TXNL4A: variants seen among roughly 807,000 people sequenced by gnomAD.
The protein encoded by TXNL4A is thioredoxin-like protein 4A.
Under a neutral mutation model 14.6 loss-of-function variants are expected in TXNL4A, and 17 were observed. That is an observed-to-expected ratio of 1.16 (90% confidence interval 0.80 to 1.74). The LOEUF (loss-of-function observed/expected upper bound fraction) is 1.74. Among genes scored for constraint, TXNL4A ranks in the 40% most tolerant of loss-of-function variants. TXNL4A has a pLI of 0.00. For missense variants in TXNL4A, 74 were observed against 195.2 expected (o/e 0.38, Z 3.70); for synonymous variants, 83 against 70.6 (o/e 1.18, Z -0.88).
At chr18:80,004,748 C>G (rs1453391755) in intron 1 of TXNL4A, among the ~76,000 whole-genome samples, 1 of 152,156 alleles carries the variant, frequency 6.6e-6, no homozygotes, top group African/African-American at 2.4e-5. Flanking sequence ...AGAAAACAAG[C>G]CTTGAGCAGA....
chr18:79,982,834 CTG>C lies in TXNL4A; in HGVS notation c.154-5135_154-5134del, dbSNP rs1159696203. ...CCCCATTTTCTTGGTGAAATGGCAT[CTG>C]TGGGGTGACTGGAGGAGCATGAGCT... On this transcript the variant is annotated intron_variant, in intron 1 of 2. Coordinates refer to ENST00000269601, the MANE Select transcript of TXNL4A (RefSeq NM_006701.5). The surrounding 1 kb of genome is among the most constrained non-coding windows in gnomAD (Gnocchi z 4.0). Among the ~76,000 whole-genome samples, 2 of 152,160 alleles carry C rather than the reference CTG, an allele frequency of 1.3e-5. No individual in the cohort carries two copies. Among genetic ancestry groups the C allele is most frequent in the East Asian group, 3.9e-4 (2 of 5,174 alleles).
chr18:80,023,192 C>T (rs1289003341), intron 1 of TXNL4A, among the ~76,000 whole-genome samples: 1 of 152,184 alleles, frequency 6.6e-6, no homozygotes, highest in Non-Finnish European at 1.5e-5. Context: ...GAATGGCTGC[C>T]CTTCCTTTGA....
intron 1 of TXNL4A, among the ~76,000 whole-genome samples, chr18:80,000,147 G>C (rs527357269): frequency 2.0e-5 from 3 of 152,334 alleles, no homozygotes; most frequent in African/African-American, 7.2e-5. Context: ...AAATGTGGAA[G>C]TAACTTTGGA....
At chr18:79,983,883 G>GT (rs1178563917) in intron 1 of TXNL4A, among the ~76,000 whole-genome samples, 1 of 152,140 alleles carries the variant, frequency 6.6e-6, no homozygotes, top group Admixed American at 6.5e-5. Flanking sequence ...GGCCAAGTTC[G>GT]TAACGCTCAT....
intron 1 of TXNL4A, among the ~76,000 whole-genome samples, chr18:79,997,751 T>C (rs2074168882): frequency 1.3e-5 from 2 of 152,218 alleles, no homozygotes; most frequent in Admixed American, 1.3e-4. Flanking sequence ...GTGACCTTCT[T>C]TGTTCAGACA....
chr18:79,973,987 A>T, intron 2 of TXNL4A, 131 bp from the exon 3 acceptor site: 1 of 1,234,250 alleles, frequency 8.1e-7, no homozygotes, highest in Non-Finnish European at 1.1e-6. Flanking sequence ...TAAAATCGAG[A>T]GTGTATGCCA....
intron 1 of TXNL4A, among the ~76,000 whole-genome samples, chr18:79,996,078 T>C (rs1046775080): frequency 2.8e-4 from 31 of 110,224 alleles, no homozygotes; most frequent in African/African-American, 1.0e-3. Context: ...CACTCCAGCC[T>C]GGGCGACAGA....
intron 2 of TXNL4A, among the ~76,000 whole-genome samples, chr18:79,975,768 T>C (rs991842872): frequency 6.6e-6 from 1 of 151,138 alleles, no homozygotes; most frequent in Non-Finnish European, 1.5e-5. Flanking sequence ...TTATAGGAAG[T>C]CAGAGCTCAA....
chr18:80,032,992 T>G (rs990356345), intron 1 of TXNL4A, among the ~76,000 whole-genome samples: 27 of 69,068 alleles, frequency 3.9e-4, no homozygotes, highest in Non-Finnish European at 7.0e-4. Flanking sequence ...TGCCCGTTTG[T>G]TTGTGAAAAC....
At chr18:79,985,411 C>G (rs1479635387) in intron 1 of TXNL4A, among the ~76,000 whole-genome samples, 1 of 152,130 alleles carries the variant, frequency 6.6e-6, no homozygotes, top group Non-Finnish European at 1.5e-5. Flanking sequence ...TGCCACAACG[C>G]CTAGCTAATG....
chr18:80,007,596 G>C (rs570893703), intron 1 of TXNL4A, among the ~76,000 whole-genome samples: 173 of 151,758 alleles, frequency 1.1e-3, no homozygotes, highest in Non-Finnish European at 2.3e-3. Flanking sequence ...TCACTTCCTT[G>C]GTTTTTTTTT....
intron 1 of TXNL4A, among the ~76,000 whole-genome samples, chr18:80,004,709 G>T (rs1168834975): frequency 1.3e-5 from 2 of 152,160 alleles, no homozygotes; most frequent in African/African-American, 4.8e-5. Flanking sequence ...GAATGTGCAC[G>T]CTCTGAGAAC....
chr18:79,973,694 G>A lies in TXNL4A; in HGVS notation c.420C>T (p.Tyr140=). The A allele has an allele frequency of 6.2e-7, 1 of 1,613,394 alleles. No homozygotes were observed. Among genetic ancestry groups the A allele is most frequent in the Non-Finnish European group, 8.5e-7 (1 of 1,179,760 alleles). ...VVSPKDYSTK[Y]RY ...GCAGACTGAGGGCGCCTCAGTAGCG[G>A]TACTTGGTGGAGTAGTCCTTGGGGG... is the stretch of plus-strand genomic sequence containing the variant. Residue 140 remains tyrosine, a synonymous_variant, in exon 3 of 3, where the codon TAC becomes TAT. Transcript: ENST00000269601.
chr18:80,027,312 G>A (rs1418396927), intron 1 of TXNL4A, among the ~76,000 whole-genome samples: 1 of 151,876 alleles, frequency 6.6e-6, no homozygotes, highest in Non-Finnish European at 1.5e-5. Context: ...CATATTCCCT[G>A]TAAAACAAAA....
At chr18:80,017,832 G>A (rs2051822352) in intron 1 of TXNL4A, among the ~76,000 whole-genome samples, 2 of 151,860 alleles carry the variant, frequency 1.3e-5, no homozygotes, top group Admixed American at 6.6e-5. Flanking sequence ...CTCTTTTTTG[G>A]TTGTGTCTCT....
At chr18:79,986,228 G>T (rs2051545815) in intron 1 of TXNL4A, among the ~76,000 whole-genome samples, 1 of 152,114 alleles carries the variant, frequency 6.6e-6, no homozygotes, top group East Asian at 1.9e-4. Flanking sequence ...TAGAGAAGGG[G>T]TTTCACCATA....
intron 1 of TXNL4A, among the ~76,000 whole-genome samples, chr18:80,007,555 G>A (rs1599745073): frequency 6.6e-6 from 1 of 151,830 alleles, no homozygotes. Context: ...GCCTGGTTTT[G>A]GGCCTGGCGC....
chr18:79,998,727 C>G (rs1420341697), intron 1 of TXNL4A, among the ~76,000 whole-genome samples: 6 of 149,416 alleles, frequency 4.0e-5, no homozygotes, highest in African/African-American at 1.5e-4. Flanking sequence ...AAACTCTCAT[C>G]ATACTCAACG....
At chr18:80,008,004 A>G (rs2145111901) in intron 1 of TXNL4A, among the ~76,000 whole-genome samples, 1 of 152,272 alleles carries the variant, frequency 6.6e-6, no homozygotes, top group Non-Finnish European at 1.5e-5. Flanking sequence ...ATGCAAAATC[A>G]GCCAGGCGTG....
Sources: allele counts gnomAD v4.1 joint callset (sites outside exome capture counted in the v4.1 genomes callset), GRCh38; gene constraint gnomAD v4.1.1; non-coding constraint Gnocchi (gnomAD v3.1); transcripts MANE v1.5; gene names NCBI Gene and HGNC (gene_info 2026-07-23, HGNC 2026-07-21).